The following ANXA4 variants were observed in gnomAD, a reference collection of about 807,000 sequenced individuals.
The protein encoded by ANXA4 is annexin A4.
In ANXA4, 39 loss-of-function variants were observed where a neutral mutation model predicts 49.8. That is an observed-to-expected ratio of 0.78 (90% CI 0.61 to 1.02). The LOEUF is 1.02. ANXA4 is among the 50% of genes least tolerant of loss of function. The pLI is 0.00. For missense variants in ANXA4, 360 were observed against 410.1 expected (o/e 0.88, Z 1.05); for synonymous variants, 134 against 152.5 (o/e 0.88, Z 0.89).
chr2:69,654,011 G>C (rs1439899640), intron 2 of ANXA4, among the ~76,000 whole-genome samples: 2 of 152,116 alleles, frequency 1.3e-5, no homozygotes, highest in Non-Finnish European at 2.9e-5. Flanking sequence ...TCCCTTATAA[G>C]TTGTATACCC....
rs763456345 is a variant in ANXA4, at chr2:69,806,433, G to A, written c.241G>A (p.Val81Met). The change falls in exon 5 of 13, where the codon GTG becomes ATG. Residue 81 changes from valine (V) to methionine (M), a missense_variant. Val to Met is a conservative substitution (Grantham distance 21, BLOSUM62 1). Coordinates refer to ENST00000394295, the MANE Select transcript of ANXA4 (RefSeq NM_001153.5). Reference protein sequence around the residue: ...KSELSGNFEQVIVGMMTPTVL... With the variant: ...KSELSGNFEQMIVGMMTPTVL... ...AGAACTGAGTGGCAACTTCGAGCAGGTGATTGTGGGGATGATGACGCCCAC... is the reference window on the plus strand; with the variant it reads ...AGAACTGAGTGGCAACTTCGAGCAGATGATTGTGGGGATGATGACGCCCAC... 28 of 1,614,044 alleles carry A rather than the reference G, an allele frequency of 1.7e-5. No individual in the cohort carries two copies. Among genetic ancestry groups the A allele is most frequent in the Non-Finnish European group, 2.3e-5 (27 of 1,180,022 alleles).
intron 3 of ANXA4, among the ~76,000 whole-genome samples, chr2:69,733,112 C>T (rs908592872): frequency 1.2e-4 from 19 of 152,196 alleles, no homozygotes; most frequent in South Asian, 6.2e-4. Context: ...TTATTAAAAA[C>T]GCTTGTTCTT....
upstream of ANXA4, chr2:69,644,390 A>G (rs1675916059): frequency 6.6e-6 from 1 of 152,106 alleles, no homozygotes; most frequent in Admixed American, 6.5e-5. Context: ...TTGTGCTGGC[A>G]GTTGGATCCG....
intron 2 of ANXA4, among the ~76,000 whole-genome samples, chr2:69,784,353 A>G (rs531206171): frequency 2.6e-5 from 4 of 152,352 alleles, no homozygotes; most frequent in African/African-American, 9.6e-5. Flanking sequence ...ATCCTAATCC[A>G]TAGTAGTGTC....
chr2:69,768,462 CCA>C (rs1383389919), intron 1 of ANXA4, among the ~76,000 whole-genome samples: 5 of 152,124 alleles, frequency 3.3e-5, no homozygotes, highest in African/African-American at 1.2e-4. Context: ...GGAAGTTCAA[CCA>C]CGTCATCTCT....
intron 1 of ANXA4, among the ~76,000 whole-genome samples, chr2:69,752,368 G>A (rs1164933815): frequency 6.6e-6 from 1 of 152,186 alleles, no homozygotes; most frequent in African/African-American, 2.4e-5. Flanking sequence ...CCAGTGCCTG[G>A]CAAAGTTATG....
At chr2:69,652,849 A>C (rs1222596965) in intron 1 of ANXA4, 3 of 152,216 alleles carry the variant, frequency 2.0e-5, no homozygotes, top group Non-Finnish European at 2.9e-5. Context: ...ACAGAGCAAG[A>C]TTTCGTCCCC....
chr2:69,742,447 G>C lies in ANXA4; in HGVS notation c.-47+272G>C, dbSNP rs368197749. On this transcript the variant is annotated intron_variant, in intron 1 of 12. Coordinates refer to ENST00000394295, the MANE Select transcript of ANXA4 (RefSeq NM_001153.5). ...GGCCGCTTACACGGCTCAGGACGCG[G>C]GTCAGAGACCACGGCAGTTATTTAT... Among the ~76,000 whole-genome samples, 27 of 152,312 alleles carry C rather than the reference G, an allele frequency of 1.8e-4. 2 individuals are homozygous for C. In the East Asian group the frequency reaches 4.2e-3, roughly 24 times the overall value.
chr2:69,646,647 A>G (rs2105291213), intron 1 of ANXA4, among the ~76,000 whole-genome samples: 1 of 152,342 alleles, frequency 6.6e-6, no homozygotes, highest in South Asian at 2.1e-4. Flanking sequence ...ATGCCAAATT[A>G]TAAACAAGAC....
At chr2:69,798,895 T>A (rs1289688080) in intron 3 of ANXA4, among the ~76,000 whole-genome samples, 1 of 152,028 alleles carries the variant, frequency 6.6e-6, no homozygotes, top group Non-Finnish European at 1.5e-5. Flanking sequence ...GATATTGAGG[T>A]CAAGGACATG....
At chr2:69,735,666 G>T (rs924190007) in intron 3 of ANXA4, among the ~76,000 whole-genome samples, 1 of 152,092 alleles carries the variant, frequency 6.6e-6, no homozygotes, top group African/African-American at 2.4e-5. Context: ...TTAGAGAGGA[G>T]ATTCAGAAGT....
chr2:69,753,868 G>T (rs992824792), intron 1 of ANXA4, among the ~76,000 whole-genome samples: 1 of 152,214 alleles, frequency 6.6e-6, no homozygotes, highest in Non-Finnish European at 1.5e-5. Context: ...TTGCAAAAAA[G>T]TCTGTGCATT....
intron 3 of ANXA4, among the ~76,000 whole-genome samples, chr2:69,801,188 A>G (rs981948949): frequency 2.0e-5 from 3 of 152,124 alleles, no homozygotes; most frequent in Admixed American, 1.3e-4. Context: ...GGGAAGGTGG[A>G]GTTTCCATGG....
intron 3 of ANXA4, among the ~76,000 whole-genome samples, chr2:69,798,903 A>C (rs184213932): frequency 6.6e-6 from 1 of 152,334 alleles, no homozygotes; most frequent in Admixed American, 6.5e-5. Context: ...GGTCAAGGAC[A>C]TGCACACACA....
intron 2 of ANXA4, among the ~76,000 whole-genome samples, chr2:69,698,735 G>A (rs1678238805): frequency 6.6e-6 from 1 of 152,142 alleles, no homozygotes; most frequent in Non-Finnish European, 1.5e-5. Flanking sequence ...ATTCAATTCT[G>A]GTCCTTGTCA....
chr2:69,734,661 T>G (rs1670195199), intron 3 of ANXA4, among the ~76,000 whole-genome samples: 2 of 150,962 alleles, frequency 1.3e-5, no homozygotes, highest in Admixed American at 1.3e-4. Context: ...AAAAAATCCA[T>G]GAACTTAAGA....
intron 3 of ANXA4, among the ~76,000 whole-genome samples, chr2:69,796,575 C>A (rs936020956): frequency 6.6e-6 from 1 of 152,184 alleles, no homozygotes; most frequent in Admixed American, 6.5e-5. Flanking sequence ...TTAGGGACAT[C>A]AGAAAATCGG....
chr2:69,658,396 T>C (rs1676585121), intron 2 of ANXA4, among the ~76,000 whole-genome samples: 1 of 121,642 alleles, frequency 8.2e-6, no homozygotes, highest in Non-Finnish European at 1.6e-5. Flanking sequence ...CAAGGTTCTG[T>C]CTCAAAAAAA....
chr2:69,788,199 C>A, intron 3 of ANXA4, 58 bp downstream of exon 3: 1 of 1,487,180 alleles, frequency 6.7e-7, no homozygotes, highest in Non-Finnish European at 9.4e-7. Context: ...CAGGGTCACA[C>A]AGGAGGGTGC....
Sources: allele counts gnomAD v4.1 joint callset (sites outside exome capture counted in the v4.1 genomes callset), GRCh38; gene constraint gnomAD v4.1.1; transcripts MANE v1.5; gene names NCBI Gene and HGNC (gene_info 2026-07-23, HGNC 2026-07-21).